Variants in CCDC9 observed in about 807,000 individuals in gnomAD.
The protein encoded by CCDC9 is coiled-coil domain-containing protein 9.
In CCDC9, 52 loss-of-function variants were observed where a neutral mutation model predicts 65.6. The observed-to-expected ratio is 0.79, with a 90% CI of 0.63 to 1.00. CCDC9 has a LOEUF of 1.00. CCDC9 is among the 50% of genes least tolerant of loss of function. The pLI, the probability that CCDC9 is intolerant of heterozygous loss-of-function variation, is 0.00. For missense variants in CCDC9, 834 were observed against 757.2 expected (o/e 1.10, Z -1.19); for synonymous variants, 332 against 280.3 (o/e 1.18, Z -1.84).
chr19:47,274,824 C>A (rs1449446375), downstream of CCDC9: 16 of 813,382 alleles, frequency 2.0e-5, no homozygotes, highest in African/African-American at 3.5e-5. Context: ...CGGAGGCGGG[C>A]GGTTTAGAGA....
chr19:47,273,440 C>G (rs994727302), downstream of CCDC9: 2 of 1,216,980 alleles, frequency 1.6e-6, no homozygotes, highest in Non-Finnish European at 2.1e-6. Context: ...GGCCCCTCCG[C>G]TGCCGGGGGC....
At chr19:47,272,302 C>G, downstream of CCDC9, 2 of 408,080 alleles carry the variant, frequency 4.9e-6, no homozygotes, top group Middle Eastern at 7.7e-4. Context: ...AGGGTGAGCT[C>G]GGATAGGGAT....
At position 47,271,724 on chromosome 19, in the gene CCDC9, TGTGTGTGTGCGC is replaced by T. The variant is rs1202888631; in HGVS notation, c.*48_*59del. 6.2e-5 allele frequency: 79 copies of T among 1,266,044 alleles called. No homozygotes were observed. In the African/African-American group the frequency reaches 1.0e-3, roughly 16 times the overall value. 78.4% of individuals were successfully genotyped at this position (1,266,044 alleles called of 1,614,324 possible). On this transcript the variant is annotated 3_prime_UTR_variant, in exon 12 of 12. Coordinates refer to ENST00000221922, the MANE Select transcript of CCDC9 (RefSeq NM_015603.3). ...GTGTGTGTGTGTGTGTGTGTGTGTGTGTGTGTGTGCGCGCGCGCGCGCGCGCGCGCGCGCGCT... is the reference window on the plus strand; with the variant it reads ...GTGTGTGTGTGTGTGTGTGTGTGTGTGCGCGCGCGCGCGCGCGCGCGCGCT...
At chr19:47,270,803 C>T in intron 10 of CCDC9, 115 bp downstream of exon 10, 5 of 1,234,976 alleles carry the variant, frequency 4.0e-6, no homozygotes, top group Non-Finnish European at 5.5e-6. Flanking sequence ...TTTGTCTTGG[C>T]CCTGTCTATC....
At chr19:47,270,981 G>T (rs1321471248) in intron 10 of CCDC9, 101 bp from the exon 11 acceptor site, 3 of 903,184 alleles carry the variant, frequency 3.3e-6, no homozygotes, top group African/African-American at 3.4e-5. Flanking sequence ...CACCATGCCA[G>T]ATGCTCTGGG....
At chr19:47,264,013 G>A (rs1246344980) in intron 5 of CCDC9, among the ~76,000 whole-genome samples, 1 of 151,858 alleles carries the variant, frequency 6.6e-6, no homozygotes, top group Admixed American at 6.6e-5. Flanking sequence ...CGAGCAGCTG[G>A]GATTACAGGC....
At chr19:47,264,528 T>A in intron 5 of CCDC9, 75 bp from the exon 6 acceptor site, 1 of 1,404,314 alleles carries the variant, frequency 7.1e-7, no homozygotes, top group South Asian at 1.2e-5. Context: ...TCAGGCCTGC[T>A]GGGCAGCCCG....
chr19:47,271,315 CGAGGGGGAAGAGAAT>C lies in CCDC9; in HGVS notation c.1246_1260del (p.Asn416_Glu420del), dbSNP rs781661175. 7.0e-5 allele frequency: 112 copies of C among 1,610,884 alleles called. No individual in the cohort carries two copies. In the East Asian group the frequency reaches 1.9e-3, roughly 27 times the overall value. ...CTCCTGCCCACCGGCCTCCTGAAGA[CGAGGGGGAAGAGAAT>C]GAGGGGGAAGAGGATGAAGAATGGG... is the stretch of plus-strand genomic sequence containing the variant. On this transcript the variant is annotated inframe_deletion, in exon 12 of 12. Coordinates refer to ENST00000221922, the MANE Select transcript of CCDC9 (RefSeq NM_015603.3).
Position 47,270,649 on chromosome 19 carries a change from G to A in CCDC9, c.1046G>A (p.Ser349Asn), listed in dbSNP as rs534274243. The change falls in exon 10 of 12, where the codon AGC becomes AAC. Residue 349 changes from serine to asparagine, a missense_variant. Physicochemically the swap from Ser to Asn is conservative, Grantham distance 46. Transcript: ENST00000221922. ...AEASSRRRRK[S>N]SRPQAKAAPR... Reference sequence around the variant, plus strand: ...GCCAGCAGCCGCAGAAGGAGAAAGAGCAGTCGGCCCCAGGCCAAGGCAGCG... The same window carrying A: ...GCCAGCAGCCGCAGAAGGAGAAAGAACAGTCGGCCCCAGGCCAAGGCAGCG... 12 of 1,612,534 alleles carry A rather than the reference G, an allele frequency of 7.4e-6. No homozygotes were observed. In the African/African-American group the frequency reaches 1.2e-4, roughly 16 times the overall value.
intron 8 of CCDC9, 98 bp downstream of exon 8, chr19:47,266,890 A>G: frequency 7.2e-7 from 1 of 1,387,598 alleles, no homozygotes. Flanking sequence ...GCTGTGTATG[A>G]GTGAGTGACT....
In CCDC9 at chr19:47,264,767, C is replaced by T. The variant is rs184137525; in HGVS notation, c.547-6C>T. 7 of 1,605,882 alleles carry T rather than the reference C, an allele frequency of 4.4e-6. No individual in the cohort carries two copies. The East Asian group carries it at 1.6e-4, about 36-fold the overall frequency. ...CCGCGCCAACCCCCTGCTCTGCTGC[C>T]TGCAGGAAGGGGTTCTTGAACCCAA... is the stretch of plus-strand genomic sequence containing the variant. On this transcript the variant is annotated splice_polypyrimidine_tract_variant and splice_region_variant and intron_variant, in intron 6 of 11. Coordinates refer to ENST00000221922, the MANE Select transcript of CCDC9 (RefSeq NM_015603.3).
Position 47,258,348 on chromosome 19 carries a change from CTA to C in CCDC9, c.-52_-51del. 1 of 1,609,010 alleles carries C rather than the reference CTA, an allele frequency of 6.2e-7. No homozygotes were observed. Among genetic ancestry groups the C allele is most frequent in the Non-Finnish European group, 8.5e-7 (1 of 1,175,450 alleles). ...TCCCCAGGAACCCTCAGTGCTGCGT[CTA>C]GATTCTGCAGGGGAGGTTTGCTGGG... On this transcript the variant is annotated 5_prime_UTR_variant, in exon 2 of 12. Coordinates refer to ENST00000221922, the MANE Select transcript of CCDC9 (RefSeq NM_015603.3).
chr19:47,262,725 AGCTG>A (rs2059054466), intron 5 of CCDC9, among the ~76,000 whole-genome samples: 1 of 152,174 alleles, frequency 6.6e-6, no homozygotes, highest in Non-Finnish European at 1.5e-5. Context: ...CGTTGTCTAC[AGCTG>A]GCTGGCTATT....
intron 8 of CCDC9, 132 bp from the exon 9 acceptor site, chr19:47,270,275 T>C: frequency 1.2e-6 from 1 of 845,132 alleles, no homozygotes; most frequent in South Asian, 1.6e-5. Flanking sequence ...GGCCCTGTCC[T>C]ACTTCTAGTG....
downstream of CCDC9, chr19:47,274,979 C>T: frequency 6.9e-7 from 1 of 1,455,390 alleles, no homozygotes. Context: ...CGGGGCTGAG[C>T]GAGGGCCCGC....
chr19:47,261,711 C>CAAAA (rs758107358), intron 5 of CCDC9, among the ~76,000 whole-genome samples: 33 of 50,138 alleles, frequency 6.6e-4, no homozygotes, highest in Admixed American at 1.1e-3. Context: ...GACTCTGTAT[C>CAAAA]AAAAAAAAAA....
chr19:47,260,437 G>T lies in CCDC9; in HGVS notation c.210+15G>T. On this transcript the variant is annotated intron_variant, in intron 4 of 11. Transcript: ENST00000221922. ...CAGTGGAGTCGGTGAGCTCGTCACT[G>T]GGGTGTGGGACCCTGAGGATGGGGA... 1 of 1,609,450 alleles carries T rather than the reference G, an allele frequency of 6.2e-7. No individual in the cohort carries two copies. The highest frequency in any genetic ancestry group is 2.2e-5 in the East Asian group (1 of 44,606).
At position 47,265,661 on chromosome 19, in the gene CCDC9, G is replaced by A. The variant is rs572263335; in HGVS notation, c.720+715G>A. The stretch of plus-strand genomic sequence containing the variant: ...TTTACTGGGCACTTACTATGTGCCA[G>A]GTACTGTTTTAGGTGCTGAGGATAA... On this transcript the variant is annotated intron_variant, in intron 7 of 11. Transcript: ENST00000221922. 2.6e-5 allele frequency among the ~76,000 whole-genome samples: 4 copies of A among 152,014 alleles called. No homozygotes were observed. In the East Asian group the frequency reaches 7.7e-4, roughly 29 times the overall value.
chr19:47,264,779 G>A lies in CCDC9; in HGVS notation c.553G>A (p.Val185Ile), dbSNP rs754278679. 1 of 1,603,856 alleles carries A rather than the reference G, an allele frequency of 6.2e-7. No individual in the cohort carries two copies. The highest frequency in any genetic ancestry group is 8.5e-7 in the Non-Finnish European group (1 of 1,174,502). The part of the protein sequence containing the change: ...AEYERNQREG[V>I]LEPNPVRNFL... The stretch of plus-strand genomic sequence containing the variant: ...CCTGCTCTGCTGCCTGCAGGAAGGG[G>A]TTCTTGAACCCAACCCAGTGCGGAA... The change falls in exon 7 of 12, where the codon GTT (valine) becomes ATT (isoleucine). Residue 185 changes from valine (V) to isoleucine (I), a missense_variant. By Grantham distance (29) the Val-to-Ile change is conservative. Coordinates refer to ENST00000221922, the MANE Select transcript of CCDC9 (RefSeq NM_015603.3).
Sources: allele counts gnomAD v4.1 joint callset (sites outside exome capture counted in the v4.1 genomes callset), GRCh38; gene constraint gnomAD v4.1.1; transcripts MANE v1.5; gene names NCBI Gene and HGNC (gene_info 2026-07-23, HGNC 2026-07-21).